The following SPATA6 variants were observed in gnomAD, a reference collection of about 807,000 sequenced individuals.
SPATA6 encodes spermatogenesis associated 6.
SPATA6 carries 56 observed loss-of-function variants against 65.3 expected under a neutral mutation model. The ratio of observed to expected loss-of-function variants is 0.86; its 90% confidence interval spans 0.69 to 1.07. SPATA6 has a LOEUF of 1.07. Ranked by LOEUF, SPATA6 falls within the 50% of genes least tolerant of loss-of-function variation. The probability of loss-of-function intolerance (pLI) is 0.00; values close to 1 mark genes in which losing one functional copy is unlikely to be tolerated. For missense variants in SPATA6, 590 were observed against 594.8 expected (o/e 0.99, Z 0.08); for synonymous variants, 199 against 213.2 (o/e 0.93, Z 0.58).
At chr1:48,329,514 T>C (rs1645854200) in intron 11 of SPATA6, among the ~76,000 whole-genome samples, 1 of 152,216 alleles carries the variant, frequency 6.6e-6, no homozygotes, top group Admixed American at 6.5e-5. Context: ...CAAATTAAAC[T>C]CGAATTACTA....
At chr1:48,330,321 C>A (rs557861133) in intron 11 of SPATA6, among the ~76,000 whole-genome samples, 7 of 152,152 alleles carry the variant, frequency 4.6e-5, no homozygotes, top group Non-Finnish European at 1.0e-4. Flanking sequence ...TCACTGGTAG[C>A]CAGGCAGGTG....
intron 1 of SPATA6, 96 bp downstream of exon 1, chr1:48,471,862 G>A (rs1002609297): frequency 1.4e-6 from 2 of 1,398,262 alleles, no homozygotes; most frequent in Non-Finnish European, 2.0e-6. Flanking sequence ...TGATTCGGAG[G>A]GTGAAGGAGG....
intron 9 of SPATA6, among the ~76,000 whole-genome samples, chr1:48,379,884 C>T (rs1249001490): frequency 1.3e-5 from 2 of 152,158 alleles, no homozygotes; most frequent in Non-Finnish European, 2.9e-5. Context: ...ATTGCAGTAT[C>T]ATATGCTTTA....
chr1:48,313,006 A>C (rs2148672242), intron 11 of SPATA6, among the ~76,000 whole-genome samples: 1 of 152,304 alleles, frequency 6.6e-6, no homozygotes, highest in Middle Eastern at 3.4e-3. Context: ...AATAAATAAA[A>C]AGAAACTAAC....
chr1:48,280,965 T>C, the SPATA6 span, among the ~76,000 whole-genome samples: 29 of 151,988 alleles, frequency 1.9e-4, no homozygotes, highest in African/African-American at 4.8e-4. Context: ...TCCAGCAGCA[T>C]ATCAAAAAGC....
At chr1:48,328,843 T>C (rs1645837723) in intron 11 of SPATA6, among the ~76,000 whole-genome samples, 1 of 152,222 alleles carries the variant, frequency 6.6e-6, no homozygotes, top group African/African-American at 2.4e-5. Context: ...CTCAAGTAGA[T>C]ACATCTATTT....
intron 5 of SPATA6, among the ~76,000 whole-genome samples, chr1:48,404,482 A>G (rs751997237): frequency 1.1e-4 from 16 of 152,160 alleles, no homozygotes; most frequent in Non-Finnish European, 2.2e-4. Context: ...AGCTAGGACT[A>G]CAGGATACAC....
chr1:48,397,662 T>C (rs1464130452), intron 7 of SPATA6, among the ~76,000 whole-genome samples: 1 of 151,682 alleles, frequency 6.6e-6, no homozygotes, highest in Non-Finnish European at 1.5e-5. Context: ...ACCTATTTGC[T>C]AAGTGCTTCT....
In SPATA6 at chr1:48,368,842, C is replaced by T. The variant is rs147365138; in HGVS notation, c.910-9072G>A. On this transcript the variant is annotated intron_variant, in intron 9 of 12. Coordinates refer to ENST00000371847, the MANE Select transcript of SPATA6 (RefSeq NM_019073.4). ...GCTTTGTTCCACTGCTGGTGAGGAACTGCATTCCTTTGGAGAAGGAGAGGC... is the reference window on the plus strand; with the variant it reads ...GCTTTGTTCCACTGCTGGTGAGGAATTGCATTCCTTTGGAGAAGGAGAGGC... Among the ~76,000 whole-genome samples the T allele has an allele frequency of 5.3e-3, 807 of 152,352 alleles. 21 individuals carry two copies. Among genetic ancestry groups the T allele is most frequent in the South Asian group, 0.05 (242 of 4,828 alleles).
At chr1:48,405,270 T>C (rs1289310233) in intron 5 of SPATA6, among the ~76,000 whole-genome samples, 1 of 152,228 alleles carries the variant, frequency 6.6e-6, no homozygotes, top group Non-Finnish European at 1.5e-5. Flanking sequence ...CATAGTGATA[T>C]CTGTGATATC....
chr1:48,424,099 T>G (rs1427755573), intron 3 of SPATA6, among the ~76,000 whole-genome samples: 1 of 152,108 alleles, frequency 6.6e-6, no homozygotes, highest in African/African-American at 2.4e-5. Flanking sequence ...TATTCATTCT[T>G]TCTCTATTTT....
intron 11 of SPATA6, among the ~76,000 whole-genome samples, chr1:48,329,845 C>T (rs1157716493): frequency 1.3e-5 from 2 of 152,190 alleles, no homozygotes; most frequent in Non-Finnish European, 2.9e-5. Context: ...ACACTCTCCA[C>T]AGGGACCTGT....
intron 3 of SPATA6, among the ~76,000 whole-genome samples, chr1:48,415,037 A>G (rs2803279): frequency 0.98 from 148,688 of 152,112 alleles, 72,757 homozygotes; most frequent in East Asian, 1. Context: ...ACAGCAAGAG[A>G]TTCTTTAAAG....
chr1:48,395,322 T>C lies in SPATA6; in HGVS notation c.813A>G (p.Leu271=), dbSNP rs775295040. The change falls in exon 8 of 13, where the codon TTA becomes TTG. Residue 271 remains leucine, a synonymous_variant. Transcript: ENST00000371847. Reference sequence around the variant, plus strand: ...CACAGTCTCTTCCAGAAGATCCCAATAAAGTATCAGCCCTGGGACTTGGGG... The same window carrying C: ...CACAGTCTCTTCCAGAAGATCCCAACAAAGTATCAGCCCTGGGACTTGGGG... The part of the protein sequence containing the change: ...VDPPSPRADT[L]LGSSGRDCER... 1.3e-5 allele frequency: 20 copies of C among 1,568,876 alleles called. No homozygotes were observed. The highest frequency in any genetic ancestry group is 1.7e-5 in the Non-Finnish European group (20 of 1,155,208).
At chr1:48,290,779 T>C (rs560434343), downstream of SPATA6, among the ~76,000 whole-genome samples, 10 of 152,262 alleles carry the variant, frequency 6.6e-5, no homozygotes, top group South Asian at 1.0e-3. Context: ...AAGGGATCAA[T>C]TCAACAAGAA....
At chr1:48,269,399 T>C in the SPATA6 span, among the ~76,000 whole-genome samples, 9 of 152,284 alleles carry the variant, frequency 5.9e-5, no homozygotes, top group South Asian at 1.7e-3. Context: ...AGTTGAAGAA[T>C]ACAGAGGTGA....
the SPATA6 span, among the ~76,000 whole-genome samples, chr1:48,267,999 T>C: frequency 9.9e-5 from 15 of 151,926 alleles, no homozygotes; most frequent in East Asian, 1.6e-3. Flanking sequence ...GATCCACCTG[T>C]CTCGGCCTTC....
the SPATA6 span, among the ~76,000 whole-genome samples, chr1:48,277,813 C>T: frequency 1.3e-5 from 2 of 152,240 alleles, no homozygotes; most frequent in South Asian, 2.1e-4. Context: ...TCTCTGACAG[C>T]TTTGAAGAGA....
At chr1:48,313,205 T>C (rs181364883) in intron 11 of SPATA6, among the ~76,000 whole-genome samples, 157 of 152,216 alleles carry the variant, frequency 1.0e-3, no homozygotes, top group African/African-American at 3.7e-3. Flanking sequence ...GCCACAAAGA[T>C]ACTCCTCGAG....
Sources: gnomAD v4.1 joint callset for allele counts (sites outside exome capture counted in the v4.1 genomes callset) on GRCh38, gnomAD v4.1.1 for gene constraint, MANE v1.5 for transcripts, NCBI Gene and HGNC (gene_info 2026-07-23, HGNC 2026-07-21) for gene names.